ASB4: variants seen among roughly 807,000 people sequenced by gnomAD.
ASB4 encodes the protein ankyrin repeat and SOCS box protein 4.
Under a neutral mutation model 38.6 loss-of-function variants are expected in ASB4, and 35 were observed. The observed-to-expected ratio is 0.91, with a 90% CI of 0.69 to 1.20. ASB4 has a LOEUF of 1.20. Ranked by LOEUF, ASB4 falls within the 50% of genes most tolerant of loss-of-function variation. ASB4 has a pLI of 0.00. For synonymous variants in ASB4, 195 were observed against 201.3 expected, an observed-to-expected ratio of 0.97 and a Z score of 0.26; for missense variants, 557 against 527.2, an observed-to-expected ratio of 1.06 and a Z score of -0.55.
chr7:95,539,409 A>G lies in ASB4; in HGVS notation c.*1650A>G, dbSNP rs1420595909. The G allele has an allele frequency of 6.6e-6, 1 of 152,200 alleles. No individual in the cohort carries two copies. The highest frequency in any genetic ancestry group is 1.5e-5 in the Non-Finnish European group (1 of 68,038). The allele number at this position is 152,200 out of a possible 1,614,324, so 9.4% of individuals were successfully genotyped here. On this transcript the variant is annotated 3_prime_UTR_variant, in exon 5 of 5. Coordinates refer to ENST00000325885, the MANE Select transcript of ASB4 (RefSeq NM_016116.3). ...ATAATCTCTTTTAAGTATCAGTTTT[A>G]CTCAGATATTTTGGTGGAGATATTT...
chr7:95,513,735 A>T (rs1384713678), intron 2 of ASB4, among the ~76,000 whole-genome samples: 3 of 152,098 alleles, frequency 2.0e-5, no homozygotes, highest in African/African-American at 2.4e-5. Flanking sequence ...AACTGTAAAT[A>T]ATCAATTTGT....
In ASB4 at chr7:95,495,931, G is replaced by T; in HGVS notation, c.361G>T (p.Asp121Tyr). The T allele has an allele frequency of 6.2e-7, 1 of 1,614,116 alleles. No homozygotes were observed. Among genetic ancestry groups the T allele is most frequent in the Non-Finnish European group, 8.5e-7 (1 of 1,180,008 alleles). ...LHVACEMANV[D>Y]CVKILCDRGA... Reference sequence around the variant, plus strand: ...CGTGGCTTGTGAAATGGCCAATGTGGATTGTGTTAAGATCCTCTGTGATCG... The same window carrying T: ...CGTGGCTTGTGAAATGGCCAATGTGTATTGTGTTAAGATCCTCTGTGATCG... The change falls in exon 2 of 5, where the codon GAT becomes TAT. Residue 121 changes from aspartate to tyrosine, a missense_variant. Coordinates refer to ENST00000325885, the MANE Select transcript of ASB4 (RefSeq NM_016116.3).
intron 4 of ASB4, 43 bp downstream of exon 4, chr7:95,536,593 C>T: frequency 7.1e-7 from 1 of 1,402,306 alleles, no homozygotes; most frequent in Non-Finnish European, 1.0e-6. Context: ...CTATCAAGTA[C>T]TTCCAGACTG....
chr7:95,505,773 C>T (rs1361692460), intron 2 of ASB4, among the ~76,000 whole-genome samples: 1 of 145,958 alleles, frequency 6.9e-6, no homozygotes, highest in African/African-American at 2.5e-5. Flanking sequence ...ATGATAGTTT[C>T]TTTTTTTGTG....
chr7:95,547,677 A>AT, the ASB4 span, among the ~76,000 whole-genome samples: 1 of 152,198 alleles, frequency 6.6e-6, no homozygotes, highest in Non-Finnish European at 1.5e-5. Context: ...CTGTGGAAAT[A>AT]TTTTTTAGAA....
chr7:95,475,476 C>G (rs1371175349), upstream of ASB4, among the ~76,000 whole-genome samples: 2 of 152,074 alleles, frequency 1.3e-5, no homozygotes, highest in Non-Finnish European at 2.9e-5. Flanking sequence ...CTCCACTTCC[C>G]AGGTTCAAGC....
At chr7:95,479,899 C>T (rs565524311) in intron 1 of ASB4, among the ~76,000 whole-genome samples, 5 of 152,314 alleles carry the variant, frequency 3.3e-5, no homozygotes, top group Admixed American at 3.3e-4. Flanking sequence ...TTCCTGGTGT[C>T]CCTTCCTGTT....
In ASB4 at chr7:95,528,286, C is replaced by T. The variant is rs781781794; in HGVS notation, c.961C>T (p.Pro321Ser). 1.9e-6 allele frequency: 3 copies of T among 1,614,116 alleles called. No homozygotes were observed. The highest frequency in any genetic ancestry group is 2.5e-6 in the Non-Finnish European group (3 of 1,180,030). The change falls in exon 3 of 5, where the codon CCT (proline) becomes TCT (serine). Residue 321 changes from proline to serine, a missense_variant. Physicochemically the swap from Pro to Ser is moderately conservative, Grantham distance 74. Coordinates refer to ENST00000325885, the MANE Select transcript of ASB4 (RefSeq NM_016116.3). ...LLNHGAARIY[P>S]PQFHKVIQAC... ...GAACCATGGGGCTGCCCGAATATAC[C>T]CTCCACAGTTCCATAAGGTGAGGCT...
intron 2 of ASB4, among the ~76,000 whole-genome samples, chr7:95,515,251 CCTTCT>C (rs1562817138): frequency 1.8e-4 from 18 of 98,488 alleles, no homozygotes; most frequent in Non-Finnish European, 3.2e-4. Context: ...TTCTTTCTTT[CCTTCT>C]TTCTTTCTTT....
rs778039684 is a variant in ASB4 at position 95,527,970 on chromosome 7, C to T, written c.645C>T (p.Ala215=). 1 of 1,613,998 alleles carries T rather than the reference C, an allele frequency of 6.2e-7. No homozygotes were observed. The highest frequency in any genetic ancestry group is 1.3e-5 in the African/African-American group (1 of 74,900). Residue 215 remains alanine, a synonymous_variant, in exon 3 of 5, where the codon GCC becomes GCT. Transcript: ENST00000325885. ...NAHMETPLAI[A]AYWALRFKEQ... is the part of the protein sequence containing the mutation. The stretch of plus-strand genomic sequence containing the variant: ...ACATGGAGACCCCCCTGGCCATCGC[C>T]GCCTACTGGGCCCTCCGCTTTAAGG...
chr7:95,529,311 A>G (rs2116648194), intron 3 of ASB4, among the ~76,000 whole-genome samples: 1 of 152,344 alleles, frequency 6.6e-6, no homozygotes, highest in Non-Finnish European at 1.5e-5. Flanking sequence ...TTTAATTAAC[A>G]ACAAGAAGAG....
At chr7:95,501,445 G>T (rs951280644) in intron 2 of ASB4, among the ~76,000 whole-genome samples, 1 of 152,152 alleles carries the variant, frequency 6.6e-6, no homozygotes, top group Non-Finnish European at 1.5e-5. Flanking sequence ...AAATAGATAG[G>T]CCTGCTGGAC....
At chr7:95,505,952 G>T (rs975001184) in intron 2 of ASB4, among the ~76,000 whole-genome samples, 1 of 152,006 alleles carries the variant, frequency 6.6e-6, no homozygotes, top group Non-Finnish European at 1.5e-5. Context: ...AGAATGCAGT[G>T]GCATGACCAT....
chr7:95,511,847 C>T (rs1790486335), intron 2 of ASB4, among the ~76,000 whole-genome samples: 1 of 152,112 alleles, frequency 6.6e-6, no homozygotes, highest in South Asian at 2.1e-4. Context: ...ACTGCAGTGA[C>T]CTCAATACAG....
the ASB4 span, among the ~76,000 whole-genome samples, chr7:95,547,294 T>C: frequency 7.2e-5 from 11 of 152,210 alleles, no homozygotes; most frequent in African/African-American, 2.7e-4. Flanking sequence ...TGTCTCTTTC[T>C]AGTAAATTCC....
intron 1 of ASB4, among the ~76,000 whole-genome samples, chr7:95,490,149 G>T (rs1453232306): frequency 6.6e-6 from 1 of 152,156 alleles, no homozygotes; most frequent in Admixed American, 6.5e-5. Context: ...AATAACCAAT[G>T]AATGATTTCA....
At chr7:95,544,466 A>G (rs753205608), downstream of ASB4, 4 of 152,216 alleles carry the variant, frequency 2.6e-5, no homozygotes, top group African/African-American at 4.8e-5. Flanking sequence ...TGACAAAAAT[A>G]CAAAGAAGCT....
chr7:95,520,801 C>T (rs886563145), intron 2 of ASB4, among the ~76,000 whole-genome samples: 4 of 152,188 alleles, frequency 2.6e-5, no homozygotes, highest in South Asian at 2.1e-4. Context: ...CTAGGCTTTA[C>T]GTTCTATTTC....
chr7:95,496,622 G>A (rs1242049702), intron 2 of ASB4, among the ~76,000 whole-genome samples: 1 of 152,102 alleles, frequency 6.6e-6, no homozygotes, highest in Non-Finnish European at 1.5e-5. Context: ...TAAGGTGAGA[G>A]GATCACTTGA....
Sources: gnomAD v4.1 joint callset for allele counts (sites outside exome capture counted in the v4.1 genomes callset) on GRCh38, gnomAD v4.1.1 for gene constraint, MANE v1.5 for transcripts, NCBI Gene and HGNC (gene_info 2026-07-23, HGNC 2026-07-21) for gene names.